CLSTN1: variants seen among roughly 807,000 people sequenced by gnomAD.
The protein encoded by CLSTN1 is calsyntenin 1.
Under a neutral mutation model 108.3 loss-of-function variants are expected in CLSTN1, and 28 were observed. The observed-to-expected ratio is 0.26, with a 90% CI of 0.19 to 0.35. The LOEUF is 0.35. CLSTN1 is among the 10% of genes least tolerant of loss of function. The probability of loss-of-function intolerance (pLI) is 1.00; values close to 1 mark genes in which losing one functional copy is unlikely to be tolerated. For synonymous variants in CLSTN1, 524 were observed against 534.9 expected (o/e 0.98, Z 0.28); for missense variants, 1,157 against 1,302.6 (o/e 0.89, Z 1.72).
intron 3 of CLSTN1, 115 bp downstream of exon 3, chr1:9,756,366 T>C (rs896180175): frequency 2.5e-6 from 2 of 794,580 alleles, no homozygotes; most frequent in Admixed American, 4.6e-5. Context: ...AGTAGGAGAA[T>C]AAATAAGGAT....
At chr1:9,818,025 GAGAC>G (rs1471870037) in intron 1 of CLSTN1, among the ~76,000 whole-genome samples, 1 of 93,732 alleles carries the variant, frequency 1.1e-5, no homozygotes, top group African/African-American at 4.2e-5. Context: ...TTTTTTTTTA[GAGAC>G]AGAGTCTTGC....
intron 2 of CLSTN1, among the ~76,000 whole-genome samples, chr1:9,772,035 G>T (rs1434999553): frequency 1.3e-5 from 2 of 149,294 alleles, no homozygotes; most frequent in African/African-American, 2.5e-5. Context: ...GGAGTGCAGT[G>T]GCGCGATCTC....
chr1:9,795,450 G>A (rs1259087331), intron 1 of CLSTN1, among the ~76,000 whole-genome samples: 3 of 151,226 alleles, frequency 2.0e-5, no homozygotes, highest in South Asian at 2.2e-4. Context: ...ATAGGCATAA[G>A]CCACCGTGCC....
chr1:9,767,558 A>C (rs1238554112), intron 2 of CLSTN1, among the ~76,000 whole-genome samples: 1 of 151,626 alleles, frequency 6.6e-6, no homozygotes, highest in East Asian at 1.9e-4. Context: ...AAAAAAAAAA[A>C]AACCTGCTGA....
intron 1 of CLSTN1, among the ~76,000 whole-genome samples, chr1:9,811,167 G>A (rs61785191): frequency 0.054 from 8,171 of 152,204 alleles, 299 homozygotes; most frequent in Middle Eastern, 0.088. Flanking sequence ...AAACAGTAAT[G>A]TCGTAGTTGT....
intron 11 of CLSTN1, 25 bp downstream of exon 11, chr1:9,737,473 G>A: frequency 1.2e-6 from 2 of 1,603,014 alleles, no homozygotes; most frequent in South Asian, 1.1e-5. Context: ...ACACAATAGT[G>A]AATGTAGGGA....
intron 2 of CLSTN1, among the ~76,000 whole-genome samples, chr1:9,761,357 GTGGCGTGTGCCTGAGGTCC>G (rs923000444): frequency 1.3e-5 from 2 of 152,110 alleles, no homozygotes; most frequent in African/African-American, 2.4e-5. Context: ...GCTGGGAGTG[GTGGCGTGTGCCTGAGGTCC>G]CGGCTACTTG....
At chr1:9,748,336 C>G (rs948062223) in intron 7 of CLSTN1, among the ~76,000 whole-genome samples, 22 of 152,182 alleles carry the variant, frequency 1.4e-4, no homozygotes, top group Non-Finnish European at 1.3e-4. Flanking sequence ...GAGACCTAGC[C>G]TTCTGGTGGG....
chr1:9,766,258 A>T (rs1652325073), intron 2 of CLSTN1, among the ~76,000 whole-genome samples: 1 of 152,198 alleles, frequency 6.6e-6, no homozygotes, highest in African/African-American at 2.4e-5. Context: ...AAACAAGAAG[A>T]GGAGGCACGG....
chr1:9,771,379 G>T (rs1652665546), intron 2 of CLSTN1, among the ~76,000 whole-genome samples: 1 of 152,138 alleles, frequency 6.6e-6, no homozygotes, highest in Non-Finnish European at 1.5e-5. Context: ...ACTTTGGGAG[G>T]CCAAGGCGGG....
intron 1 of CLSTN1, among the ~76,000 whole-genome samples, chr1:9,810,069 GGA>G (rs930079553): frequency 7.0e-5 from 9 of 129,172 alleles, no homozygotes; most frequent in Non-Finnish European, 1.3e-4. Context: ...AGAAAGAGAG[GGA>G]GAGAGAGAGA....
At chr1:9,742,558 A>AATT (rs1651036868) in intron 9 of CLSTN1, among the ~76,000 whole-genome samples, 1 of 152,232 alleles carries the variant, frequency 6.6e-6, no homozygotes. Flanking sequence ...CTACTATAAC[A>AATT]GAACTGTAGC....
chr1:9,730,262 C>T lies in CLSTN1; in HGVS notation c.*246G>A, dbSNP rs1570426175. 1 of 571,224 alleles carries T rather than the reference C, an allele frequency of 1.8e-6. No individual in the cohort carries two copies. Among genetic ancestry groups the T allele is most frequent in the East Asian group, 2.9e-5 (1 of 34,176 alleles). 35.4% of individuals were successfully genotyped at this position (571,224 alleles called of 1,614,324 possible). ...CGGGGCCTGAGGCGCTGGGAGGCCC[C>T]TGTGCGAGCCGGATGGCGGCCAGAG... On this transcript the variant is annotated 3_prime_UTR_variant, in exon 19 of 19. Transcript: ENST00000377298. The surrounding 1 kb of genome is among the most constrained non-coding windows in gnomAD (Gnocchi z 5.6).
chr1:9,764,570 G>C (rs2101135638), intron 2 of CLSTN1, among the ~76,000 whole-genome samples: 1 of 148,082 alleles, frequency 6.8e-6, no homozygotes, highest in South Asian at 2.1e-4. Context: ...ATCTGAGGCA[G>C]AGGTTGCAGT....
chr1:9,765,870 C>CT (rs889446557), intron 2 of CLSTN1, among the ~76,000 whole-genome samples: 1 of 151,972 alleles, frequency 6.6e-6, no homozygotes, highest in African/African-American at 2.4e-5. Context: ...CAGCGAGACT[C>CT]TGTCTCAAAA....
At chr1:9,790,560 T>A in intron 1 of CLSTN1, among the ~76,000 whole-genome samples, 1 of 151,514 alleles carries the variant, frequency 6.6e-6, no homozygotes, top group Non-Finnish European at 1.5e-5. Context: ...TTTGTTGAGA[T>A]CGCCATTAAA....
At chr1:9,812,342 G>A (rs1427186068) in intron 1 of CLSTN1, among the ~76,000 whole-genome samples, 2 of 152,098 alleles carry the variant, frequency 1.3e-5, no homozygotes, top group African/African-American at 2.4e-5. Flanking sequence ...TAGAATAAAA[G>A]GCAGGACTCT....
At chr1:9,747,617 C>T (rs1651342256) in intron 7 of CLSTN1, among the ~76,000 whole-genome samples, 1 of 152,044 alleles carries the variant, frequency 6.6e-6, no homozygotes, top group Non-Finnish European at 1.5e-5. Context: ...CTGCCTCAGC[C>T]TCCCAAGTAG....
At chr1:9,731,070 C>T (rs1650356936) in intron 18 of CLSTN1, 136 bp downstream of exon 18, 5 of 1,038,582 alleles carry the variant, frequency 4.8e-6, no homozygotes, top group South Asian at 1.3e-5. Context: ...CCCACGAAGA[C>T]ACCTAAGCCC....
Sources: allele counts gnomAD v4.1 joint callset (sites outside exome capture counted in the v4.1 genomes callset), GRCh38; gene constraint gnomAD v4.1.1; non-coding constraint Gnocchi (gnomAD v3.1); transcripts MANE v1.5; gene names NCBI Gene and HGNC (gene_info 2026-07-23, HGNC 2026-07-21).